Variants in PIEZO2 observed in about 807,000 individuals in gnomAD.
PIEZO2 encodes the protein piezo type mechanosensitive ion channel component 2.
In PIEZO2, 172 loss-of-function variants were observed where a neutral mutation model predicts 337.3. The observed-to-expected ratio is 0.51, with a 90% confidence interval of 0.45 to 0.58. The LOEUF is 0.58. Ranked by LOEUF, PIEZO2 falls within the 20% of genes least tolerant of loss-of-function variation. The probability of loss-of-function intolerance (pLI) is 0.00; values close to 1 mark genes in which losing one functional copy is unlikely to be tolerated. For missense variants in PIEZO2, 3,028 were observed against 3,391.3 expected (o/e 0.89, Z 2.66); for synonymous variants, 1,251 against 1,228.5 (o/e 1.02, Z -0.38).
intron 1 of PIEZO2, among the ~76,000 whole-genome samples, chr18:11,073,848 C>CTT (rs71362202): frequency 0.5 from 67,981 of 136,952 alleles, 18,609 homozygotes; most frequent in East Asian, 0.96. Context: ...ATAACAACTG[C>CTT]TTTTTTTTTT....
rs143478499 is a variant in PIEZO2, at chr18:11,122,305, T to C, written c.64+26220A>G. 3.5e-3 allele frequency among the ~76,000 whole-genome samples: 533 copies of C among 152,344 alleles called. 3 individuals are homozygous for C. The highest frequency in any genetic ancestry group is 5.4e-3 in the Non-Finnish European group (365 of 68,030). ...GAACTTTTTAACTTTCCCAGGACCA[T>C]TGATAGACATTATCAAGATTTACTT... On this transcript the variant is annotated intron_variant, in intron 1 of 55. Coordinates refer to ENST00000674853, the MANE Select transcript of PIEZO2 (RefSeq NM_001378183.1).
In PIEZO2 at chr18:10,763,142, G is replaced by A. The variant is rs140274976; in HGVS notation, c.2947-44C>T. 747 of 1,512,000 alleles carry A rather than the reference G, an allele frequency of 4.9e-4. 3 individuals carry two copies. Among genetic ancestry groups the A allele is most frequent in the African/African-American group, 4.7e-3 (339 of 72,366 alleles). 93.7% of individuals were successfully genotyped at this position (1,512,000 alleles called of 1,614,324 possible). ...AAATGGGGACAAAAATACGTAACAC[G>A]GCATAACAAACAGGACAGCCACAAA... On this transcript the variant is annotated intron_variant, in intron 21 of 55. Transcript: ENST00000674853.
chr18:11,076,357 G>A (rs931657435), intron 1 of PIEZO2, among the ~76,000 whole-genome samples: 2 of 152,068 alleles, frequency 1.3e-5, no homozygotes, highest in Non-Finnish European at 2.9e-5. Context: ...TAGATTATAA[G>A]GACTTGTATT....
At chr18:11,075,383 G>A (rs2038492332) in intron 1 of PIEZO2, among the ~76,000 whole-genome samples, 1 of 152,184 alleles carries the variant, frequency 6.6e-6, no homozygotes, top group Non-Finnish European at 1.5e-5. Flanking sequence ...TCAAAGAAAT[G>A]AGAGAAAGGA....
chr18:10,722,824 T>C (rs1313898462), intron 36 of PIEZO2, among the ~76,000 whole-genome samples: 10 of 152,092 alleles, frequency 6.6e-5, no homozygotes, highest in Admixed American at 4.6e-4. Context: ...GAAGTTTCCA[T>C]AGACAAGTCC....
Position 11,038,112 on chromosome 18 carries a change from A to C in PIEZO2, c.160+28015T>G, listed in dbSNP as rs542265988. ...TTTCATTGGCTCAAAACATTGTAAAAGATACTCTGCACACTTTAAGAGAAC... is the reference window on the plus strand; with the variant it reads ...TTTCATTGGCTCAAAACATTGTAAACGATACTCTGCACACTTTAAGAGAAC... On this transcript the variant is annotated intron_variant, in intron 2 of 55. Coordinates refer to ENST00000674853, the MANE Select transcript of PIEZO2 (RefSeq NM_001378183.1). This position sits in a 1 kb window ranked among gnomAD's most constrained non-coding sequence, Gnocchi z 4.1. 6.6e-5 allele frequency among the ~76,000 whole-genome samples: 10 copies of C among 152,330 alleles called. No individual in the cohort carries two copies. The South Asian group carries it at 2.1e-3, about 32-fold the overall frequency.
intron 17 of PIEZO2, among the ~76,000 whole-genome samples, chr18:10,782,155 AATTATAT>A (rs1598472247): frequency 7.1e-6 from 1 of 140,672 alleles, no homozygotes; most frequent in Admixed American, 7.7e-5. Flanking sequence ...AAAATGTTAT[AATTATAT>A]ATTATATATT....
intron 4 of PIEZO2, among the ~76,000 whole-genome samples, chr18:10,883,355 A>G (rs2042478560): frequency 6.6e-6 from 1 of 152,104 alleles, no homozygotes. Context: ...TGTTCTCCAT[A>G]ATGGCTGCAC....
At chr18:11,024,133 C>G (rs2036436164) in intron 2 of PIEZO2, among the ~76,000 whole-genome samples, 1 of 152,220 alleles carries the variant, frequency 6.6e-6, no homozygotes, top group Non-Finnish European at 1.5e-5. Context: ...CAAGCGCGGC[C>G]TGAGTGGGCG....
At position 10,891,656 on chromosome 18, in the gene PIEZO2, T is replaced by C. The variant is rs73943055; in HGVS notation, c.329+19530A>G. ...TTGCCATCACAAAACTAGGCTAAAA[T>C]GTTTTCAGAGCATTGCAATTTTGAG... On this transcript the variant is annotated intron_variant, in intron 4 of 55. Transcript: ENST00000674853. 2.6e-4 allele frequency among the ~76,000 whole-genome samples: 40 copies of C among 152,262 alleles called. No individual in the cohort carries two copies. The South Asian group carries it at 7.0e-3, about 27-fold the overall frequency.
At position 10,726,898 on chromosome 18, in the gene PIEZO2, C is replaced by T. The variant is rs1276683489; in HGVS notation, c.5029+4509G>A. ...GCTGAAGCACATCATGGCCACCAAC[C>T]GGCTGGATGTGGCGGAGCTGGGTCG... On this transcript the variant is annotated intron_variant, in intron 36 of 55. Transcript: ENST00000674853. This position sits in a 1 kb window ranked among gnomAD's most constrained non-coding sequence, Gnocchi z 5.9. 1.3e-6 allele frequency: 2 copies of T among 1,591,100 alleles called. No homozygotes were observed. Among genetic ancestry groups the T allele is most frequent in the South Asian group, 2.3e-5 (2 of 88,322 alleles).
Position 11,102,624 on chromosome 18 carries a change from G to A in PIEZO2, c.65-36402C>T, listed in dbSNP as rs1488394764. 1.3e-5 allele frequency among the ~76,000 whole-genome samples: 2 copies of A among 152,276 alleles called. No homozygotes were observed. Among genetic ancestry groups the A allele is most frequent in the African/African-American group, 2.4e-5 (1 of 41,560 alleles). On this transcript the variant is annotated intron_variant, in intron 1 of 55. Coordinates refer to ENST00000674853, the MANE Select transcript of PIEZO2 (RefSeq NM_001378183.1). This position sits in a 1 kb window ranked among gnomAD's most constrained non-coding sequence, Gnocchi z 5.7. ...CATCTCTGACACTTGCTCTCCCCTG[G>A]TGTCTTTGGAGCACCCCACTTCCCA...
chr18:10,992,528 A>G (rs2035149377), intron 2 of PIEZO2, among the ~76,000 whole-genome samples: 1 of 152,144 alleles, frequency 6.6e-6, no homozygotes, highest in Non-Finnish European at 1.5e-5. Context: ...TTTGTCAAAG[A>G]TCAGATGGTT....
intron 20 of PIEZO2, among the ~76,000 whole-genome samples, chr18:10,772,439 C>A (rs1257361422): frequency 6.6e-6 from 1 of 152,230 alleles, no homozygotes; most frequent in East Asian, 1.9e-4. Context: ...AAGTCCTTGG[C>A]CTCACAGAGC....
At chr18:11,058,182 C>T (rs1317258388) in intron 2 of PIEZO2, among the ~76,000 whole-genome samples, 11 of 152,218 alleles carry the variant, frequency 7.2e-5, no homozygotes, top group Non-Finnish European at 7.3e-5. Context: ...TGCTGTTACC[C>T]AGGCAAACAG....
At chr18:10,735,389 A>G (rs2036955565) in intron 34 of PIEZO2, among the ~76,000 whole-genome samples, 59 bp from the exon 35 acceptor site, 1 of 152,226 alleles carries the variant, frequency 6.6e-6, no homozygotes, top group Admixed American at 6.5e-5. Context: ...TAGTAATTTA[A>G]TATATGATGT....
At position 10,943,136 on chromosome 18, in the gene PIEZO2, G is replaced by A. The variant is rs1355968909; in HGVS notation, c.287-31908C>T. 6.6e-6 allele frequency among the ~76,000 whole-genome samples: 1 copy of A among 152,220 alleles called. No homozygotes were observed. The highest frequency in any genetic ancestry group is 2.4e-5 in the African/African-American group (1 of 41,458). On this transcript the variant is annotated intron_variant, in intron 3 of 55. Coordinates refer to ENST00000674853, the MANE Select transcript of PIEZO2 (RefSeq NM_001378183.1). This position sits in a 1 kb window ranked among gnomAD's most constrained non-coding sequence, Gnocchi z 4.5. ...GGTCCTCATGGAGAACCTCTGCTAGGGCAGTGAGGAAGGGAAATGTGGAGT... is the reference window on the plus strand; with the variant it reads ...GGTCCTCATGGAGAACCTCTGCTAGAGCAGTGAGGAAGGGAAATGTGGAGT...
At position 11,035,513 on chromosome 18, in the gene PIEZO2, A is replaced by G. The variant is rs1175876418; in HGVS notation, c.160+30614T>C. Reference sequence around the variant, plus strand: ...CTTTACATATCTCCCAGCCTCAGATATTCCTTTAGAGCAATGCAAAATGGG... The same window carrying G: ...CTTTACATATCTCCCAGCCTCAGATGTTCCTTTAGAGCAATGCAAAATGGG... On this transcript the variant is annotated intron_variant, in intron 2 of 55. Transcript: ENST00000674853. This position sits in a 1 kb window ranked among gnomAD's most constrained non-coding sequence, Gnocchi z 4.3. Among the ~76,000 whole-genome samples the G allele has an allele frequency of 6.6e-6, 1 of 152,186 alleles. No homozygotes were observed. Among genetic ancestry groups the G allele is most frequent in the African/African-American group, 2.4e-5 (1 of 41,434 alleles).
At position 11,001,632 on chromosome 18, in the gene PIEZO2, C is replaced by A. The variant is rs554667972; in HGVS notation, c.161-21972G>T. Among the ~76,000 whole-genome samples, 2 of 152,168 alleles carry A rather than the reference C, an allele frequency of 1.3e-5. No homozygotes were observed. The highest frequency in any genetic ancestry group is 3.9e-4 in the East Asian group (2 of 5,156). ...GTGGCTCGTGCCTGTAATCTCAGCA[C>A]TTTGGGAGGCTGAGGTGGGCGGATC... On this transcript the variant is annotated intron_variant, in intron 2 of 55. Transcript: ENST00000674853. The surrounding 1 kb of genome is among the most constrained non-coding windows in gnomAD (Gnocchi z 5.3).
Sources: gnomAD v4.1 joint callset for allele counts (sites outside exome capture counted in the v4.1 genomes callset) on GRCh38, gnomAD v4.1.1 for gene constraint, Gnocchi (gnomAD v3.1) non-coding constraint, MANE v1.5 for transcripts, NCBI Gene and HGNC (gene_info 2026-07-23, HGNC 2026-07-21) for gene names.